Variants in RANBP2 observed in about 807,000 individuals in gnomAD.
RANBP2 encodes E3 SUMO-protein ligase RanBP2.
A neutral mutation model predicts 303.6 loss-of-function variants in RANBP2; 57 were observed. The ratio of observed to expected loss-of-function variants is 0.19; its 90% CI spans 0.15 to 0.23. RANBP2 has a LOEUF of 0.23. Ranked by LOEUF, RANBP2 falls within the 10% of genes least tolerant of loss-of-function variation. The probability of loss-of-function intolerance (pLI) is 1.00; values close to 1 mark genes in which losing one functional copy is unlikely to be tolerated. For synonymous variants in RANBP2, 1,167 were observed against 1,301.5 expected (o/e 0.90, Z 2.23); for missense variants, 3,138 against 3,780.8 (o/e 0.83, Z 4.46).
the RANBP2 span, among the ~76,000 whole-genome samples, chr2:108,890,484 A>G: frequency 6.6e-6 from 1 of 152,120 alleles, no homozygotes; most frequent in Non-Finnish European, 1.5e-5. Context: ...AGTACGAGTG[A>G]TCTACCCATC....
At chr2:109,697,660 A>G in the RANBP2 span, among the ~76,000 whole-genome samples, 19 of 152,260 alleles carry the variant, frequency 1.2e-4, no homozygotes, top group Non-Finnish European at 2.6e-4. Flanking sequence ...TATATAGACA[A>G]TCATGCCATC....
the RANBP2 span, among the ~76,000 whole-genome samples, chr2:109,043,897 T>A: frequency 6.6e-6 from 1 of 152,150 alleles, no homozygotes; most frequent in Non-Finnish European, 1.5e-5. Flanking sequence ...GCCCCCTGGT[T>A]AGGAAGCTTC....
chr2:108,979,385 C>G, the RANBP2 span, among the ~76,000 whole-genome samples: 1 of 152,140 alleles, frequency 6.6e-6, no homozygotes, highest in Non-Finnish European at 1.5e-5. Context: ...CCACTTCCCC[C>G]AGCCTGGTCC....
chr2:109,516,324 C>T, the RANBP2 span, among the ~76,000 whole-genome samples: 1 of 152,234 alleles, frequency 6.6e-6, no homozygotes, highest in Admixed American at 6.5e-5. Context: ...CTGTCTTAGG[C>T]CAGAGTCTCC....
the RANBP2 span, among the ~76,000 whole-genome samples, chr2:109,393,067 G>T: frequency 3.3e-5 from 5 of 152,166 alleles, no homozygotes; most frequent in Admixed American, 2.6e-4. Flanking sequence ...TTGCCTGCCC[G>T]TCTCAGTGAG....
the RANBP2 span, among the ~76,000 whole-genome samples, chr2:108,807,853 C>T: frequency 6.6e-6 from 1 of 152,182 alleles, no homozygotes; most frequent in Admixed American, 6.5e-5. Flanking sequence ...AAGTGATCCA[C>T]CTGCCTCGGC....
the RANBP2 span, among the ~76,000 whole-genome samples, chr2:109,491,855 G>C: frequency 6.6e-6 from 1 of 152,152 alleles, no homozygotes; most frequent in African/African-American, 2.4e-5. Context: ...TTGGCCGTTC[G>C]GGTGCCTGCA....
chr2:108,786,237 T>C (rs1678671779), downstream of RANBP2, among the ~76,000 whole-genome samples: 2 of 150,898 alleles, frequency 1.3e-5, no homozygotes, highest in South Asian at 4.2e-4. Context: ...CTGCAATGTC[T>C]ATGCTCAGCT....
the RANBP2 span, among the ~76,000 whole-genome samples, chr2:109,480,680 G>A: frequency 6.6e-6 from 1 of 152,154 alleles, no homozygotes; most frequent in South Asian, 2.1e-4. Context: ...ATGTGGAGGG[G>A]TGGAGCACAC....
the RANBP2 span, among the ~76,000 whole-genome samples, chr2:109,010,079 G>A: frequency 2.0e-5 from 3 of 151,980 alleles, no homozygotes; most frequent in South Asian, 2.1e-4. Context: ...GGATACTTCC[G>A]TTAAAAAAAA....
chr2:108,789,281 T>TA (rs111893217), downstream of RANBP2, among the ~76,000 whole-genome samples: 6 of 152,316 alleles, frequency 3.9e-5, no homozygotes, highest in South Asian at 2.1e-4. Context: ...TCCCTTTCTT[T>TA]AAAAATTTTT....
the RANBP2 span, among the ~76,000 whole-genome samples, chr2:109,336,030 ATCAGGAAAAGCT>A: frequency 6.6e-6 from 1 of 152,240 alleles, no homozygotes; most frequent in Non-Finnish European, 1.5e-5. Flanking sequence ...TCTGGAACCC[ATCAGGAAAAGCT>A]TTAGCGTAGA....
At chr2:108,892,208 C>T in the RANBP2 span, among the ~76,000 whole-genome samples, 1 of 152,178 alleles carries the variant, frequency 6.6e-6, no homozygotes, top group Non-Finnish European at 1.5e-5. Context: ...GTCCTTCCCA[C>T]AGTCCCAGTG....
chr2:109,719,021 A>AC, the RANBP2 span, among the ~76,000 whole-genome samples: 3 of 134,778 alleles, frequency 2.2e-5, no homozygotes, highest in Non-Finnish European at 3.2e-5. Flanking sequence ...AAAAAAAAAA[A>AC]AAAAAAAGAA....
the RANBP2 span, among the ~76,000 whole-genome samples, chr2:109,696,996 C>T: frequency 9.9e-5 from 15 of 151,954 alleles, no homozygotes; most frequent in African/African-American, 2.4e-4. Flanking sequence ...CAGGCTGGTC[C>T]GGAAGTCCTG....
At chr2:109,501,740 A>T in the RANBP2 span, 1 of 689,404 alleles carries the variant, frequency 1.5e-6, no homozygotes, top group South Asian at 1.5e-5. Flanking sequence ...GCACACAGAG[A>T]GGGAGCCATG....
the RANBP2 span, among the ~76,000 whole-genome samples, chr2:109,155,229 C>A: frequency 2.0e-5 from 3 of 152,186 alleles, no homozygotes; most frequent in Non-Finnish European, 4.4e-5. Context: ...CACCTTGCAT[C>A]TATGCCTATT....
At chr2:108,908,044 T>C in the RANBP2 span, 1 of 1,593,976 alleles carries the variant, frequency 6.3e-7, no homozygotes, top group South Asian at 1.1e-5. Context: ...GCGATGGTCA[T>C]TAGCAGTGCC....
the RANBP2 span, among the ~76,000 whole-genome samples, chr2:108,799,997 A>C: frequency 6.6e-6 from 1 of 152,076 alleles, no homozygotes; most frequent in African/African-American, 2.4e-5. Context: ...TTCTGTCTTT[A>C]TATTTACATC....
Sources: gnomAD v4.1 joint callset for allele counts (sites outside exome capture counted in the v4.1 genomes callset) on GRCh38, gnomAD v4.1.1 for gene constraint, MANE v1.5 for transcripts, NCBI Gene and HGNC (gene_info 2026-07-23, HGNC 2026-07-21) for gene names.